The following ERC2 variants were observed in gnomAD, a reference collection of about 807,000 sequenced individuals.
ERC2 encodes the protein ELKS/RAB6-interacting/CAST family member 2.
Under a neutral mutation model 114.8 loss-of-function variants are expected in ERC2, and 42 were observed. The ratio of observed to expected loss-of-function variants is 0.37; its 90% CI spans 0.29 to 0.47. The LOEUF is 0.47. Ranked by LOEUF, ERC2 falls within the 20% of genes least tolerant of loss-of-function variation. The pLI, the probability that ERC2 is intolerant of heterozygous loss-of-function variation, is 0.99. For missense variants in ERC2, 939 were observed against 1,150.7 expected (o/e 0.82, Z 2.66); for synonymous variants, 454 against 425.5 (o/e 1.07, Z -0.82).
At chr3:55,952,912 G>A (rs990852551) in intron 12 of ERC2, among the ~76,000 whole-genome samples, 4 of 152,014 alleles carry the variant, frequency 2.6e-5, no homozygotes, top group East Asian at 1.9e-4. Flanking sequence ...AAAGAGTGGC[G>A]GCCGGGCACG....
At chr3:56,250,016 C>T (rs932646817) in intron 3 of ERC2, among the ~76,000 whole-genome samples, 1 of 152,070 alleles carries the variant, frequency 6.6e-6, no homozygotes, top group Non-Finnish European at 1.5e-5. Context: ...CGCCACCACA[C>T]CCGGCTAATT....
chr3:56,333,425 C>A (rs992862288), intron 2 of ERC2, among the ~76,000 whole-genome samples: 1 of 152,174 alleles, frequency 6.6e-6, no homozygotes, highest in Admixed American at 6.5e-5. Context: ...GACTATGAAG[C>A]AGGGAATAAC....
chr3:55,617,504 G>A (rs2059170021), intron 17 of ERC2, among the ~76,000 whole-genome samples: 1 of 152,146 alleles, frequency 6.6e-6, no homozygotes, highest in African/African-American at 2.4e-5. Context: ...CGGCCAGCAG[G>A]ATCAGAATGT....
chr3:55,554,900 C>T (rs903598312), intron 17 of ERC2, among the ~76,000 whole-genome samples: 2 of 152,172 alleles, frequency 1.3e-5, no homozygotes, highest in African/African-American at 4.8e-5. Context: ...AAGCTTTCAG[C>T]TTACCCCAGC....
intron 6 of ERC2, among the ~76,000 whole-genome samples, chr3:56,084,686 G>A (rs1285673222): frequency 6.6e-6 from 1 of 151,984 alleles, no homozygotes; most frequent in Non-Finnish European, 1.5e-5. Context: ...TCGTATAATG[G>A]ACATTGGAGA....
intron 16 of ERC2, among the ~76,000 whole-genome samples, chr3:55,697,075 G>T (rs1009309583): frequency 6.6e-5 from 10 of 152,124 alleles, no homozygotes; most frequent in Non-Finnish European, 1.0e-4. Context: ...AACCAGAAAA[G>T]AATTGAACAA....
chr3:56,028,681 C>T, intron 7 of ERC2, among the ~76,000 whole-genome samples: 1 of 152,082 alleles, frequency 6.6e-6, no homozygotes, highest in Non-Finnish European at 1.5e-5. Context: ...ACTGAAGTCA[C>T]TTACTAGTTC....
intron 13 of ERC2, among the ~76,000 whole-genome samples, chr3:55,899,003 A>G (rs539560108): frequency 6.6e-6 from 1 of 152,344 alleles, no homozygotes; most frequent in South Asian, 2.1e-4. Context: ...GGCACTTCCA[A>G]TGTGTCTGGT....
At chr3:56,260,365 AAG>A (rs1491255740) in intron 3 of ERC2, among the ~76,000 whole-genome samples, 3 of 152,216 alleles carry the variant, frequency 2.0e-5, no homozygotes, top group Non-Finnish European at 2.9e-5. Flanking sequence ...GGCAAAAAAA[AAG>A]GTTGAATGAG....
chr3:55,587,647 T>C (rs2057667486), intron 17 of ERC2, among the ~76,000 whole-genome samples: 1 of 152,240 alleles, frequency 6.6e-6, no homozygotes, highest in African/African-American at 2.4e-5. Context: ...ACTGCAGAAT[T>C]ACTCTCCAAA....
intron 6 of ERC2, among the ~76,000 whole-genome samples, chr3:56,086,304 C>A (rs150059007): frequency 6.6e-6 from 1 of 152,040 alleles, no homozygotes; most frequent in African/African-American, 2.4e-5. Flanking sequence ...GTGATCAGCA[C>A]GTTACTCAAA....
intron 3 of ERC2, among the ~76,000 whole-genome samples, chr3:56,233,806 C>T (rs998301395): frequency 6.6e-6 from 1 of 152,108 alleles, no homozygotes; most frequent in Non-Finnish European, 1.5e-5. Flanking sequence ...TCATGGGCAT[C>T]GACCATCTTC....
At chr3:56,095,308 G>T (rs970565086) in intron 6 of ERC2, among the ~76,000 whole-genome samples, 1 of 151,992 alleles carries the variant, frequency 6.6e-6, no homozygotes, top group Non-Finnish European at 1.5e-5. Flanking sequence ...TATTCATAGG[G>T]TATAGGAGCC....
chr3:56,074,997 T>A (rs1474231852), intron 7 of ERC2, among the ~76,000 whole-genome samples: 6 of 152,158 alleles, frequency 3.9e-5, no homozygotes, highest in Non-Finnish European at 7.3e-5. Flanking sequence ...GCTGGAGGTA[T>A]CTTGATGATT....
chr3:56,388,454 C>A (rs2060013131), intron 2 of ERC2, among the ~76,000 whole-genome samples: 5 of 152,148 alleles, frequency 3.3e-5, no homozygotes, highest in Admixed American at 3.3e-4. Flanking sequence ...AAGCAGATGC[C>A]AGCATCACAC....
chr3:56,434,057 A>C, intron 2 of ERC2: 1 of 388,724 alleles, frequency 2.6e-6, no homozygotes, highest in Non-Finnish European at 4.6e-6. Flanking sequence ...CTGCTGAAAA[A>C]GAAAACAAAA....
chr3:56,355,002 A>G (rs1239896856), intron 2 of ERC2, among the ~76,000 whole-genome samples: 1 of 152,242 alleles, frequency 6.6e-6, no homozygotes, highest in Admixed American at 6.5e-5. Context: ...ATACAGAAAC[A>G]TCATCAAATG....
chr3:56,299,106 G>GTTTTTTTTTTTTGTTTTTTTTTTTTT (rs2055664839), intron 2 of ERC2, among the ~76,000 whole-genome samples: 1 of 123,244 alleles, frequency 8.1e-6, no homozygotes, highest in African/African-American at 3.3e-5. Context: ...GTTTTTTTTT[G>GTTTTTTTTTTTTGTTTTTTTTTTTTT]TTTTTTTTTT....
intron 14 of ERC2, among the ~76,000 whole-genome samples, chr3:55,884,646 G>A (rs113949904): frequency 6.6e-6 from 1 of 152,036 alleles, no homozygotes; most frequent in Non-Finnish European, 1.5e-5. Context: ...ACCACCTTAT[G>A]AGCCCATGGC....
Sources: gnomAD v4.1 joint callset for allele counts (sites outside exome capture counted in the v4.1 genomes callset) on GRCh38, gnomAD v4.1.1 for gene constraint, MANE v1.5 for transcripts, NCBI Gene and HGNC (gene_info 2026-07-23, HGNC 2026-07-21) for gene names.